The following DNAJC1 variants were observed in gnomAD, a reference collection of about 807,000 sequenced individuals.
The protein encoded by DNAJC1 is DnaJ heat shock protein family (Hsp40) member C1.
A neutral mutation model predicts 76.6 loss-of-function variants in DNAJC1; 58 were observed. That is an observed-to-expected ratio of 0.76 (90% CI 0.61 to 0.94). The LOEUF is 0.94. Among genes scored for constraint, DNAJC1 ranks in the 40% least tolerant of loss-of-function variants. DNAJC1 has a pLI of 0.00. For synonymous variants in DNAJC1, 258 were observed against 267.9 expected, an observed-to-expected ratio of 0.96 and a Z score of 0.36; for missense variants, 689 against 677.3, an observed-to-expected ratio of 1.02 and a Z score of -0.19.
At chr10:21,813,175 CCTCT>C (rs532971786) in intron 8 of DNAJC1, among the ~76,000 whole-genome samples, 1,093 of 27,984 alleles carry the variant, frequency 0.039, 26 homozygotes, top group Non-Finnish European at 0.046. Context: ...TCTCTCTCTC[CCTCT>C]CTCTCTCTCT....
At chr10:21,879,233 T>C (rs917219340) in intron 8 of DNAJC1, among the ~76,000 whole-genome samples, 2 of 152,168 alleles carry the variant, frequency 1.3e-5, no homozygotes, top group African/African-American at 4.8e-5. Flanking sequence ...CATGCATACC[T>C]CAGAGATATT....
chr10:21,964,951 C>T (rs549293826), intron 1 of DNAJC1, among the ~76,000 whole-genome samples: 2 of 151,840 alleles, frequency 1.3e-5, no homozygotes, highest in African/African-American at 4.8e-5. Context: ...AAAATTTCTC[C>T]CTCTCTTCTG....
intron 6 of DNAJC1, among the ~76,000 whole-genome samples, chr10:21,917,716 A>T (rs1313136358): frequency 2.0e-5 from 3 of 152,000 alleles, no homozygotes; most frequent in East Asian, 3.8e-4. Flanking sequence ...AAATACTGTA[A>T]TTTTTCTCTA....
chr10:21,788,187 C>T (rs1196044269), intron 9 of DNAJC1, among the ~76,000 whole-genome samples: 1 of 152,254 alleles, frequency 6.6e-6, no homozygotes, highest in Non-Finnish European at 1.5e-5. Context: ...CTCCATTTAC[C>T]TCTGTCAGCT....
chr10:21,909,035 C>T (rs1255368503), intron 6 of DNAJC1, among the ~76,000 whole-genome samples: 1 of 152,108 alleles, frequency 6.6e-6, no homozygotes, highest in Non-Finnish European at 1.5e-5. Context: ...AACAGGTGCC[C>T]ACCACCACGT....
intron 8 of DNAJC1, among the ~76,000 whole-genome samples, chr10:21,841,798 G>A (rs910201213): frequency 6.6e-6 from 1 of 152,032 alleles, no homozygotes; most frequent in Non-Finnish European, 1.5e-5. Flanking sequence ...AAAGACACAC[G>A]TATGTTTATA....
At chr10:21,833,132 CTT>C (rs1288856728) in intron 8 of DNAJC1, among the ~76,000 whole-genome samples, 4 of 152,230 alleles carry the variant, frequency 2.6e-5, no homozygotes, top group Admixed American at 2.0e-4. Flanking sequence ...TTATTTAGCT[CTT>C]TGTCTGACCT....
chr10:21,839,426 C>A lies in DNAJC1; in HGVS notation c.979-33327G>T, dbSNP rs372603943. 4.1e-4 allele frequency among the ~76,000 whole-genome samples: 63 copies of A among 152,288 alleles called. No individual in the cohort carries two copies. The East Asian group carries it at 5.4e-3, about 13-fold the overall frequency. ...AAAAATGATAAAGGGGATATCACCA[C>A]TGATCCCACAGAAATACAAACTACC... is the stretch of plus-strand genomic sequence containing the variant. On this transcript the variant is annotated intron_variant, in intron 8 of 11. Coordinates refer to ENST00000376980, the MANE Select transcript of DNAJC1 (RefSeq NM_022365.4).
At chr10:21,799,573 G>A (rs1834789506) in intron 9 of DNAJC1, among the ~76,000 whole-genome samples, 1 of 152,142 alleles carries the variant, frequency 6.6e-6, no homozygotes, top group Non-Finnish European at 1.5e-5. Flanking sequence ...AAAGTGCTGG[G>A]ATTACAGGCA....
At chr10:21,969,138 T>C (rs1837935285) in intron 1 of DNAJC1, among the ~76,000 whole-genome samples, 1 of 150,542 alleles carries the variant, frequency 6.6e-6, no homozygotes, top group Non-Finnish European at 1.5e-5. Context: ...GCAGGATAAT[T>C]GCTTGAACCC....
intron 1 of DNAJC1, among the ~76,000 whole-genome samples, chr10:21,962,459 C>CTTTTTTTTTTTT (rs34817098): frequency 1.8e-4 from 7 of 39,888 alleles, no homozygotes; most frequent in Non-Finnish European, 2.4e-4. Context: ...TATTTTATTG[C>CTTTTTTTTTTTT]TTTTTTTTTT....
chr10:21,872,948 G>A (rs533434029), intron 8 of DNAJC1, among the ~76,000 whole-genome samples: 2 of 152,282 alleles, frequency 1.3e-5, no homozygotes, highest in Non-Finnish European at 2.9e-5. Context: ...CAGACAGCCC[G>A]GCGCCGTGCC....
rs188962288 is a variant in DNAJC1, at chr10:21,789,887, G to A, written c.1098+16093C>T. ...TAGCCAGGCAGGGTGGTGCACGCCT[G>A]TAATCCCAGCTACTAGAGAGGCTGA... is the stretch of plus-strand genomic sequence containing the variant. On this transcript the variant is annotated intron_variant, in intron 9 of 11. Transcript: ENST00000376980. Among the ~76,000 whole-genome samples the A allele has an allele frequency of 4.6e-5, 7 of 151,896 alleles. No homozygotes were observed. In the East Asian group the frequency reaches 9.7e-4, roughly 21 times the overall value.
rs1044635492 is a variant in DNAJC1 at position 22,003,641 on chromosome 10, G to T, written c.-207C>A. The stretch of plus-strand genomic sequence containing the variant: ...GGACGGGCGGGTGGGTAGGCGGGCG[G>T]GGCCGCAGCCAGCGCTACGTTCCGA... On this transcript the variant is annotated 5_prime_UTR_variant, in exon 1 of 12. Transcript: ENST00000376980. 2 of 476,900 alleles carry T rather than the reference G, an allele frequency of 4.2e-6. No homozygotes were observed. Among genetic ancestry groups the T allele is most frequent in the Non-Finnish European group, 6.7e-6 (2 of 298,420 alleles). The allele number at this position is 476,900 out of a possible 1,614,324, so 29.5% of individuals were successfully genotyped here.
At chr10:21,970,404 T>A (rs570050489) in intron 1 of DNAJC1, among the ~76,000 whole-genome samples, 1 of 151,998 alleles carries the variant, frequency 6.6e-6, no homozygotes, top group South Asian at 2.1e-4. Context: ...AATATGACTT[T>A]AAAAAAACCA....
In DNAJC1 at chr10:21,889,801, T is replaced by C. The variant is rs1034801387; in HGVS notation, c.821-7362A>G. On this transcript the variant is annotated intron_variant, in intron 7 of 11. Transcript: ENST00000376980. ...TCAAAAAAGAGACAGCATAGGCATTTATCTTTTGTCTAGAAGATAAAGCTT... is the reference window on the plus strand; with the variant it reads ...TCAAAAAAGAGACAGCATAGGCATTCATCTTTTGTCTAGAAGATAAAGCTT... 5.9e-5 allele frequency among the ~76,000 whole-genome samples: 9 copies of C among 152,214 alleles called. No homozygotes were observed. The South Asian group carries it at 1.0e-3, about 17-fold the overall frequency.
intron 8 of DNAJC1, among the ~76,000 whole-genome samples, chr10:21,836,319 G>A (rs1156388139): frequency 6.6e-6 from 1 of 152,152 alleles, no homozygotes; most frequent in Admixed American, 6.5e-5. Flanking sequence ...AAGAACTCCT[G>A]AAGGCAGCAC....
intron 8 of DNAJC1, 137 bp from the exon 9 acceptor site, chr10:21,806,236 C>T (rs1268012902): frequency 7.4e-6 from 7 of 949,476 alleles, no homozygotes; most frequent in African/African-American, 5.0e-5. Context: ...AAAAACAATA[C>T]TAAATTGTAT....
chr10:21,936,153 C>A (rs1172241997), intron 1 of DNAJC1, among the ~76,000 whole-genome samples: 1 of 152,112 alleles, frequency 6.6e-6, no homozygotes, highest in Non-Finnish European at 1.5e-5. Flanking sequence ...GGATTAGTGC[C>A]CTTGTAAAAG....
Sources: gnomAD v4.1 joint callset for allele counts (sites outside exome capture counted in the v4.1 genomes callset) on GRCh38, gnomAD v4.1.1 for gene constraint, MANE v1.5 for transcripts, NCBI Gene and HGNC (gene_info 2026-07-23, HGNC 2026-07-21) for gene names.